The following PAPPA2 variants were observed in gnomAD, a reference collection of about 807,000 sequenced individuals.
PAPPA2 encodes the protein pappalysin-2.
PAPPA2 carries 86 observed loss-of-function variants against 176.4 expected under a neutral mutation model. The observed-to-expected ratio is 0.49, with a 90% CI of 0.41 to 0.58. The LOEUF (loss-of-function observed/expected upper bound fraction) is 0.58, where lower values mean the gene tolerates loss of function less well. Among genes scored for constraint, PAPPA2 ranks in the 20% least tolerant of loss-of-function variants. The pLI, the probability that PAPPA2 is intolerant of heterozygous loss-of-function variation, is 0.00. For synonymous variants in PAPPA2, 809 were observed against 852.2 expected (o/e 0.95, Z 0.88); for missense variants, 2,073 against 2,256.9 (o/e 0.92, Z 1.65).
intron 21 of PAPPA2, among the ~76,000 whole-genome samples, chr1:176,837,168 C>T (rs1667303585): frequency 6.6e-6 from 1 of 152,178 alleles, no homozygotes. Context: ...TTGTCCATTT[C>T]ATCTGCCTGG....
intron 1 of PAPPA2, among the ~76,000 whole-genome samples, chr1:176,533,238 G>T (rs1438317024): frequency 6.6e-6 from 1 of 152,334 alleles, no homozygotes; most frequent in Non-Finnish European, 1.5e-5. Context: ...CAATCCAAAG[G>T]TGTGAGTCAA....
intron 2 of PAPPA2, among the ~76,000 whole-genome samples, chr1:176,588,414 C>T (rs1653455136): frequency 6.6e-6 from 1 of 152,174 alleles, no homozygotes; most frequent in Non-Finnish European, 1.5e-5. Context: ...CTATCTCTTG[C>T]CTGATTGCCC....
At chr1:176,736,044 CTT>C (rs1662396734) in intron 12 of PAPPA2, among the ~76,000 whole-genome samples, 1 of 152,068 alleles carries the variant, frequency 6.6e-6, no homozygotes, top group Non-Finnish European at 1.5e-5. Flanking sequence ...GCTAATAATT[CTT>C]TTGACTTTCC....
At chr1:176,729,444 C>T (rs1046884471) in intron 12 of PAPPA2, among the ~76,000 whole-genome samples, 8 of 152,020 alleles carry the variant, frequency 5.3e-5, no homozygotes, top group South Asian at 2.1e-4. Flanking sequence ...CTTCCTTATA[C>T]GTCTTTTTCA....
chr1:176,724,863 A>T lies in PAPPA2; in HGVS notation c.3798+12882A>T, dbSNP rs1441513236. Among the ~76,000 whole-genome samples the T allele has an allele frequency of 2.6e-5, 4 of 152,198 alleles. No individual in the cohort carries two copies. In the East Asian group the frequency reaches 7.7e-4, roughly 29 times the overall value. On this transcript the variant is annotated intron_variant, in intron 12 of 22. Transcript: ENST00000367662. The stretch of plus-strand genomic sequence containing the variant: ...ATTCTCATACAAATTCTTACTAGAG[A>T]TATGATTTTTCTCATTCTAAAAATG...
At chr1:176,795,282 C>T (rs1665377030) in intron 20 of PAPPA2, among the ~76,000 whole-genome samples, 3 of 152,088 alleles carry the variant, frequency 2.0e-5, no homozygotes, top group African/African-American at 7.2e-5. Context: ...GGAAATGATA[C>T]CTTCTCCTTC....
At chr1:176,788,004 G>T (rs552282277) in intron 17 of PAPPA2, among the ~76,000 whole-genome samples, 77 of 151,984 alleles carry the variant, frequency 5.1e-4, no homozygotes, top group African/African-American at 1.5e-3. Context: ...AGGTTGCAGC[G>T]AGCCGAGATC....
intron 7 of PAPPA2, among the ~76,000 whole-genome samples, chr1:176,697,371 C>T (rs1660435776): frequency 6.6e-6 from 1 of 152,038 alleles, no homozygotes; most frequent in Non-Finnish European, 1.5e-5. Context: ...GTTTTTGGGA[C>T]TGTTAACATT....
intron 1 of PAPPA2, among the ~76,000 whole-genome samples, chr1:176,523,837 T>C (rs1649333849): frequency 6.6e-6 from 1 of 152,234 alleles, no homozygotes; most frequent in Admixed American, 6.5e-5. Flanking sequence ...GGATTACTTA[T>C]GGCATAGTCC....
intron 2 of PAPPA2, among the ~76,000 whole-genome samples, chr1:176,569,443 A>G (rs1652187750): frequency 6.6e-6 from 1 of 152,178 alleles, no homozygotes; most frequent in Admixed American, 6.5e-5. Context: ...TGGCCTCTCT[A>G]AAGACTGATT....
chr1:176,816,182 A>G (rs1266760301), intron 21 of PAPPA2, among the ~76,000 whole-genome samples: 2 of 127,938 alleles, frequency 1.6e-5, no homozygotes, highest in Non-Finnish European at 3.3e-5. Context: ...ATATATATAT[A>G]TATATATATA....
intron 17 of PAPPA2, 64 bp downstream of exon 17, chr1:176,771,244 C>G: frequency 6.6e-7 from 1 of 1,518,200 alleles, no homozygotes; most frequent in African/African-American, 1.4e-5. Flanking sequence ...GTTTGTTTTT[C>G]TGTATAATCT....
intron 12 of PAPPA2, among the ~76,000 whole-genome samples, chr1:176,712,833 A>T (rs1418392255): frequency 1.3e-5 from 2 of 152,130 alleles, no homozygotes; most frequent in Admixed American, 1.3e-4. Context: ...TTTCATCAAC[A>T]TTTGGTCTTT....
intron 2 of PAPPA2, among the ~76,000 whole-genome samples, chr1:176,574,898 A>G (rs564061434): frequency 4.6e-5 from 7 of 152,202 alleles, no homozygotes; most frequent in Non-Finnish European, 8.8e-5. Flanking sequence ...GTACAGTCAC[A>G]TGCTTTACAG....
chr1:176,713,838 G>A (rs1385252058), intron 12 of PAPPA2, among the ~76,000 whole-genome samples: 1 of 152,162 alleles, frequency 6.6e-6, no homozygotes, highest in Non-Finnish European at 1.5e-5. Flanking sequence ...TACAAGCCAA[G>A]ATTATAGCAA....
chr1:176,624,956 AC>A (rs1655923138), intron 3 of PAPPA2, among the ~76,000 whole-genome samples: 1 of 152,144 alleles, frequency 6.6e-6, no homozygotes, highest in Non-Finnish European at 1.5e-5. Flanking sequence ...AGCCAAGGAC[AC>A]TGTGGCCAAG....
At chr1:176,741,403 C>T (rs931360835) in intron 14 of PAPPA2, among the ~76,000 whole-genome samples, 11 of 152,146 alleles carry the variant, frequency 7.2e-5, no homozygotes, top group African/African-American at 1.2e-4. Context: ...CAGGCCTCTC[C>T]GCAGCTATCT....
intron 3 of PAPPA2, among the ~76,000 whole-genome samples, chr1:176,627,017 C>T (rs1367582496): frequency 3.3e-5 from 5 of 151,760 alleles, no homozygotes; most frequent in East Asian, 3.9e-4. Flanking sequence ...TCGACATGCC[C>T]GGCTTGTTTT....
At chr1:176,718,950 T>C (rs1036883089) in intron 12 of PAPPA2, among the ~76,000 whole-genome samples, 2 of 152,076 alleles carry the variant, frequency 1.3e-5, no homozygotes, top group African/African-American at 4.8e-5. Context: ...TTTGTATATA[T>C]TGGTTTTTCC....
Sources: gnomAD v4.1 joint callset for allele counts (sites outside exome capture counted in the v4.1 genomes callset) on GRCh38, gnomAD v4.1.1 for gene constraint, MANE v1.5 for transcripts, NCBI Gene and HGNC (gene_info 2026-07-23, HGNC 2026-07-21) for gene names.